Variants in CEP85L observed in about 807,000 individuals in gnomAD.
CEP85L encodes the protein centrosomal protein 85L.
In CEP85L, 60 loss-of-function variants were observed where a neutral mutation model predicts 100.3. The ratio of observed to expected loss-of-function variants is 0.60; its 90% CI spans 0.49 to 0.74. The LOEUF is 0.74. CEP85L is among the 30% of genes least tolerant of loss of function. CEP85L has a pLI of 0.00. For synonymous variants in CEP85L, 319 were observed against 322.7 expected, an observed-to-expected ratio of 0.99 and a Z score of 0.12; for missense variants, 973 against 936.2, an observed-to-expected ratio of 1.04 and a Z score of -0.51.
At chr6:118,533,747 A>G (rs1215699423) in intron 3 of CEP85L, among the ~76,000 whole-genome samples, 2 of 152,232 alleles carry the variant, frequency 1.3e-5, no homozygotes, top group Non-Finnish European at 2.9e-5. Context: ...CTATACATAG[A>G]TAATACGTTT....
At chr6:118,604,724 T>TCTAG (rs1313192377) in intron 2 of CEP85L, among the ~76,000 whole-genome samples, 7 of 152,324 alleles carry the variant, frequency 4.6e-5, no homozygotes, top group Admixed American at 1.3e-4. Context: ...CCAGGCCTTA[T>TCTAG]CTAGAATCTA....
At chr6:118,519,975 C>T (rs1444889650) in intron 4 of CEP85L, among the ~76,000 whole-genome samples, 2 of 152,096 alleles carry the variant, frequency 1.3e-5, no homozygotes, top group African/African-American at 2.4e-5. Flanking sequence ...CATAACCAAG[C>T]GGGTATATCC....
chr6:118,556,653 T>C (rs1286114811), intron 3 of CEP85L, among the ~76,000 whole-genome samples: 1 of 152,222 alleles, frequency 6.6e-6, no homozygotes, highest in African/African-American at 2.4e-5. Flanking sequence ...TAAAAGGACT[T>C]AGGAGAAAAT....
chr6:118,537,678 G>C (rs906851776), intron 3 of CEP85L: 5 of 985,308 alleles, frequency 5.1e-6, no homozygotes, highest in Middle Eastern at 5.2e-4. Flanking sequence ...CCTAATAAAA[G>C]TTTACTGTAG....
intron 2 of CEP85L, among the ~76,000 whole-genome samples, chr6:118,611,170 G>T (rs1369270704): frequency 6.6e-6 from 1 of 152,138 alleles, no homozygotes; most frequent in African/African-American, 2.4e-5. Flanking sequence ...TTTGACAGTT[G>T]TTGGAAGTGG....
chr6:118,624,527 T>C (rs1031954634), intron 2 of CEP85L, among the ~76,000 whole-genome samples: 1 of 152,128 alleles, frequency 6.6e-6, no homozygotes, highest in Non-Finnish European at 1.5e-5. Flanking sequence ...CCAACTGCAC[T>C]TGCTTCTCTA....
At chr6:118,505,697 C>CT (rs1451339683) in intron 5 of CEP85L, among the ~76,000 whole-genome samples, 1 of 152,104 alleles carries the variant, frequency 6.6e-6, no homozygotes, top group East Asian at 1.9e-4. Flanking sequence ...AAAGGCAAAA[C>CT]TATAGAGACC....
At chr6:118,680,372 A>C (rs1776618868) in intron 1 of CEP85L, among the ~76,000 whole-genome samples, 1 of 133,550 alleles carries the variant, frequency 7.5e-6, no homozygotes, top group Non-Finnish European at 1.5e-5. Flanking sequence ...AAAATCTGTT[A>C]ACATATTTCA....
In CEP85L at chr6:118,465,613, CAA is replaced by C. The variant is rs1310679651; in HGVS notation, c.2255-47_2255-46del. On this transcript the variant is annotated intron_variant, in intron 12 of 12. Coordinates refer to ENST00000368491, the MANE Select transcript of CEP85L (RefSeq NM_001042475.3). Reference sequence around the variant, plus strand: ...AGAGAATATCTCACATTTTTTTGAACAAAGACATTTTAGAATTTTTCACCTTA... The same window carrying C: ...AGAGAATATCTCACATTTTTTTGAACAGACATTTTAGAATTTTTCACCTTA... 4 of 1,581,676 alleles carry C rather than the reference CAA, an allele frequency of 2.5e-6. No homozygotes were observed. The African/African-American group carries it at 5.4e-5, about 21-fold the overall frequency.
intron 3 of CEP85L, among the ~76,000 whole-genome samples, chr6:118,531,970 T>C (rs2114830870): frequency 6.6e-6 from 1 of 152,214 alleles, no homozygotes; most frequent in East Asian, 1.9e-4. Flanking sequence ...CAAAGCAGAA[T>C]TACCATTTGA....
intron 2 of CEP85L, among the ~76,000 whole-genome samples, chr6:118,618,008 T>A (rs1179981014): frequency 6.6e-6 from 1 of 152,062 alleles, no homozygotes; most frequent in African/African-American, 2.4e-5. Context: ...TCTCTGACAA[T>A]CCCTGACCCT....
chr6:118,626,435 T>C (rs1773800334), intron 2 of CEP85L, among the ~76,000 whole-genome samples: 3 of 152,204 alleles, frequency 2.0e-5, no homozygotes, highest in Non-Finnish European at 4.4e-5. Context: ...CGTTAAGTTC[T>C]ATAAGATCCT....
intron 3 of CEP85L, among the ~76,000 whole-genome samples, chr6:118,527,439 T>C (rs533496302): frequency 1.3e-5 from 2 of 152,146 alleles, no homozygotes; most frequent in Non-Finnish European, 2.9e-5. Flanking sequence ...ATGGCCTAAT[T>C]AGGTGTTCCA....
chr6:118,681,524 A>G lies in CEP85L; in HGVS notation c.-28+28512T>C, dbSNP rs539685286. 1.1e-3 allele frequency among the ~76,000 whole-genome samples: 174 copies of G among 152,272 alleles called. 1 individual carries two copies. Among genetic ancestry groups the G allele is most frequent in the Non-Finnish European group, 1.8e-3 (125 of 68,042 alleles). ...ATGTTAATTTTGAAGAACACTTAACAGATTTCAAAATATCTGAAGTTCCTC... is the reference window on the plus strand; with the variant it reads ...ATGTTAATTTTGAAGAACACTTAACGGATTTCAAAATATCTGAAGTTCCTC... On this transcript the variant is annotated intron_variant, in intron 1 of 13. Transcript: ENST00000368488.
At chr6:118,485,010 C>T (rs891811645) in intron 6 of CEP85L, among the ~76,000 whole-genome samples, 6 of 152,090 alleles carry the variant, frequency 3.9e-5, no homozygotes, top group Non-Finnish European at 8.8e-5. Flanking sequence ...GTATGGTAAC[C>T]GAACACTTAT....
At chr6:118,523,753 TC>T in intron 4 of CEP85L, 48 bp downstream of exon 4, 1 of 866,620 alleles carries the variant, frequency 1.2e-6, no homozygotes. Context: ...GTTTCATTAA[TC>T]TAAATTTCTG....
chr6:118,465,181 A>T lies in CEP85L; in HGVS notation c.*224T>A. On this transcript the variant is annotated 3_prime_UTR_variant, in exon 13 of 13. Transcript: ENST00000368491. ...AGAATATAGACATTTTTTTCCTTGT[A>T]GATTTTATCATATTTTCCAAAGGTA... is the stretch of plus-strand genomic sequence containing the variant. The T allele has an allele frequency of 2.2e-6, 1 of 462,534 alleles. No individual in the cohort carries two copies. Among genetic ancestry groups the T allele is most frequent in the African/African-American group, 2.0e-5 (1 of 49,980 alleles). 28.7% of individuals were successfully genotyped at this position (462,534 alleles called of 1,614,324 possible).
Position 118,500,600 on chromosome 6 carries a change from C to T in CEP85L, c.1258-8735G>A, listed in dbSNP as rs189390298. Among the ~76,000 whole-genome samples the T allele has an allele frequency of 2.5e-3, 345 of 140,766 alleles. 1 individual carries two copies. Among genetic ancestry groups the T allele is most frequent in the Middle Eastern group, 7.3e-3 (2 of 274 alleles). The allele number at this position is 140,766 out of a possible 152,430, so 92.3% of individuals were successfully genotyped here. ...TGAAAAAGCTCAAGGACCCTGTCCA[C>T]TAGAGGCAAGGTGCCCCCGACCCCT... On this transcript the variant is annotated intron_variant, in intron 5 of 12. Transcript: ENST00000368491.
At chr6:118,534,459 C>G (rs765897530) in intron 3 of CEP85L, among the ~76,000 whole-genome samples, 4 of 151,902 alleles carry the variant, frequency 2.6e-5, no homozygotes, top group Non-Finnish European at 4.4e-5. Flanking sequence ...TCGAGACCAG[C>G]CTGTCAAACA....
Sources: gnomAD v4.1 joint callset for allele counts (sites outside exome capture counted in the v4.1 genomes callset) on GRCh38, gnomAD v4.1.1 for gene constraint, MANE v1.5 for transcripts, NCBI Gene and HGNC (gene_info 2026-07-23, HGNC 2026-07-21) for gene names.